The following SGCD variants were observed in gnomAD, a reference collection of about 807,000 sequenced individuals.
SGCD encodes the protein delta-sarcoglycan.
In SGCD, 18 loss-of-function variants were observed where a neutral mutation model predicts 36.6. That is an observed-to-expected ratio of 0.49 (90% CI 0.34 to 0.73). SGCD has a LOEUF of 0.73. Among genes scored for constraint, SGCD ranks in the 30% least tolerant of loss-of-function variants. The pLI is 0.01. For synonymous variants in SGCD, 133 were observed against 130.6 expected (o/e 1.02, Z -0.12); for missense variants, 387 against 346.7 (o/e 1.12, Z -0.92).
chr5:156,726,586 C>T (rs1305302213), intron 7 of SGCD, among the ~76,000 whole-genome samples: 3 of 152,198 alleles, frequency 2.0e-5, no homozygotes, highest in African/African-American at 7.2e-5. Flanking sequence ...ATTCACCCCT[C>T]TCCAACTCCC....
At chr5:155,835,662 A>G in the SGCD span, among the ~76,000 whole-genome samples, 1 of 152,200 alleles carries the variant, frequency 6.6e-6, no homozygotes, top group Non-Finnish European at 1.5e-5. Context: ...TCTTTTAGCA[A>G]AAGTATTTGC....
intron 7 of SGCD, among the ~76,000 whole-genome samples, chr5:156,679,151 T>C (rs1221132909): frequency 1.3e-5 from 2 of 152,186 alleles, no homozygotes; most frequent in Non-Finnish European, 2.9e-5. Context: ...TAAAAGTGAT[T>C]GATGCAAAAT....
chr5:156,644,268 T>C (rs1475309507), intron 6 of SGCD, among the ~76,000 whole-genome samples: 1 of 152,196 alleles, frequency 6.6e-6, no homozygotes, highest in Non-Finnish European at 1.5e-5. Context: ...ATCCAATTTT[T>C]GTGTGTCACA....
the SGCD span, among the ~76,000 whole-genome samples, chr5:155,794,742 T>A: frequency 7.5e-4 from 114 of 152,178 alleles, no homozygotes; most frequent in Non-Finnish European, 1.4e-3. Flanking sequence ...AAAAAGAATT[T>A]GTGGCAGAAT....
At chr5:155,763,251 G>A in the SGCD span, among the ~76,000 whole-genome samples, 8 of 152,290 alleles carry the variant, frequency 5.3e-5, no homozygotes, top group Middle Eastern at 6.8e-3. Context: ...TGTTAGAAAA[G>A]TGAATCTTAA....
chr5:155,808,082 G>A, the SGCD span, among the ~76,000 whole-genome samples: 2 of 152,160 alleles, frequency 1.3e-5, no homozygotes, highest in Admixed American at 1.3e-4. Flanking sequence ...GTCCCCTGTA[G>A]GAGTTCTGAG....
At chr5:155,936,053 G>A (rs886360183) in intron 1 of SGCD, among the ~76,000 whole-genome samples, 14 of 152,154 alleles carry the variant, frequency 9.2e-5, no homozygotes, top group African/African-American at 3.4e-4. Context: ...GCGCCTGGAA[G>A]CTTGGAGATG....
intron 3 of SGCD, among the ~76,000 whole-genome samples, chr5:156,239,399 C>CAA (rs34839655): frequency 0.015 from 1,070 of 71,886 alleles, 33 homozygotes; most frequent in Middle Eastern, 0.035. Flanking sequence ...GATTTCATCT[C>CAA]AAAAAAAAAA....
intron 7 of SGCD, among the ~76,000 whole-genome samples, chr5:156,696,499 C>T (rs1754322204): frequency 6.6e-6 from 1 of 152,090 alleles, no homozygotes; most frequent in African/African-American, 2.4e-5. Context: ...TCTCTCAATG[C>T]TTGCAATTTA....
At chr5:155,738,807 AAGAG>A in the SGCD span, among the ~76,000 whole-genome samples, 3 of 141,288 alleles carry the variant, frequency 2.1e-5, no homozygotes, top group Admixed American at 7.0e-5. Flanking sequence ...TAGTGTGTGT[AAGAG>A]AGTGTGTGAG....
intron 3 of SGCD, among the ~76,000 whole-genome samples, chr5:156,433,934 A>G (rs1419170166): frequency 6.6e-6 from 1 of 152,218 alleles, no homozygotes; most frequent in Non-Finnish European, 1.5e-5. Context: ...AGGCAGAGAC[A>G]GCTGCTTACA....
rs769047953 is a variant in SGCD at position 156,344,606 on chromosome 5, C to T, written c.121C>T (p.Leu41Phe). 3 of 1,612,188 alleles carry T rather than the reference C, an allele frequency of 1.9e-6. No individual in the cohort carries two copies. The Admixed American group carries it at 5.0e-5, about 27-fold the overall frequency. The change falls in exon 3 of 9, where the codon CTC becomes TTC. Residue 41 changes from leucine (L) to phenylalanine (F), a missense_variant. Leu to Phe is a conservative substitution (Grantham distance 22). Transcript: ENST00000337851. The stretch of plus-strand genomic sequence containing the variant: ...ACGATGCCTGTATTTCTTTGTCCTG[C>T]TCCTCATGATTTTAATACTGGTGAA... ...RKRCLYFFVLLLMILILVNLA... is the reference protein window; with the variant it reads ...RKRCLYFFVLFLMILILVNLA...
At chr5:156,043,036 A>T (rs1340110730) in intron 1 of SGCD, among the ~76,000 whole-genome samples, 8 of 152,156 alleles carry the variant, frequency 5.3e-5, no homozygotes, top group Non-Finnish European at 1.2e-4. Context: ...CAACCCCAGG[A>T]ATGATTAAGG....
intron 4 of SGCD, among the ~76,000 whole-genome samples, chr5:156,532,674 G>A (rs1420211872): frequency 6.6e-6 from 1 of 152,058 alleles, no homozygotes; most frequent in African/African-American, 2.4e-5. Flanking sequence ...CGTTAGCCAG[G>A]ATGGTCTCCA....
intron 7 of SGCD, among the ~76,000 whole-genome samples, chr5:156,752,690 G>C (rs1181183834): frequency 1.3e-5 from 2 of 152,134 alleles, no homozygotes; most frequent in Non-Finnish European, 2.9e-5. Context: ...TACCGTGCCG[G>C]CCAGCATTAT....
intron 1 of SGCD, among the ~76,000 whole-genome samples, chr5:155,977,083 C>T (rs1403548111): frequency 6.6e-6 from 1 of 152,224 alleles, no homozygotes; most frequent in Non-Finnish European, 1.5e-5. Flanking sequence ...ATCCTCTTTG[C>T]TTTCCAGTCA....
chr5:155,754,994 C>A, the SGCD span, among the ~76,000 whole-genome samples: 3 of 152,156 alleles, frequency 2.0e-5, no homozygotes, highest in Non-Finnish European at 2.9e-5. Context: ...ACGCACCCAT[C>A]AGCCACCTGC....
At chr5:156,557,757 C>T (rs1302363349) in intron 4 of SGCD, among the ~76,000 whole-genome samples, 1 of 152,090 alleles carries the variant, frequency 6.6e-6, no homozygotes, top group African/African-American at 2.4e-5. Flanking sequence ...GATATATCCC[C>T]TCTGCCTCCT....
chr5:155,859,562 C>T, the SGCD span, among the ~76,000 whole-genome samples: 1 of 152,136 alleles, frequency 6.6e-6, no homozygotes, highest in African/African-American at 2.4e-5. Flanking sequence ...ATCCTTGGCC[C>T]TTGCTAGAAT....
Sources: allele counts gnomAD v4.1 joint callset (sites outside exome capture counted in the v4.1 genomes callset), GRCh38; gene constraint gnomAD v4.1.1; transcripts MANE v1.5; gene names NCBI Gene and HGNC (gene_info 2026-07-23, HGNC 2026-07-21).